KALRN: variants seen among roughly 807,000 people sequenced by gnomAD.
The protein encoded by KALRN is kalirin.
A neutral mutation model predicts 353.7 loss-of-function variants in KALRN; 70 were observed. That is an observed-to-expected ratio of 0.20 (90% CI 0.16 to 0.24). The LOEUF is 0.24. Among genes scored for constraint, KALRN ranks in the 10% least tolerant of loss-of-function variants. The pLI is 1.00. For synonymous variants in KALRN, 1,391 were observed against 1,434.8 expected (o/e 0.97, Z 0.69); for missense variants, 2,791 against 3,756.7 (o/e 0.74, Z 6.72).
At chr3:124,128,715 C>T (rs925466592) in intron 1 of KALRN, among the ~76,000 whole-genome samples, 2 of 152,096 alleles carry the variant, frequency 1.3e-5, no homozygotes, top group Admixed American at 1.3e-4. Flanking sequence ...AGAAGTGAGC[C>T]TTCTGTAGGG....
intron 34 of KALRN, among the ~76,000 whole-genome samples, chr3:124,623,779 A>C (rs1301126251): frequency 1.3e-5 from 2 of 152,168 alleles, no homozygotes; most frequent in Non-Finnish European, 2.9e-5. Context: ...AATCAGGTTG[A>C]TACTCAATAT....
chr3:124,414,950 G>A (rs1048200152), intron 14 of KALRN, among the ~76,000 whole-genome samples: 2 of 152,192 alleles, frequency 1.3e-5, no homozygotes, highest in African/African-American at 2.4e-5. Flanking sequence ...TGTTTCTTTC[G>A]ATGACCTGAA....
intron 1 of KALRN, among the ~76,000 whole-genome samples, chr3:124,104,457 A>G (rs1349992061): frequency 6.6e-6 from 1 of 152,236 alleles, no homozygotes; most frequent in East Asian, 1.9e-4. Flanking sequence ...CAGCAAATAC[A>G]GGGTGTGCTT....
In KALRN at chr3:124,650,931, G is replaced by A. The variant is rs781148073; in HGVS notation, c.5788G>A (p.Gly1930Ser). The A allele has an allele frequency of 3.7e-6, 6 of 1,614,130 alleles. No individual in the cohort carries two copies. The South Asian group carries it at 5.5e-5, about 15-fold the overall frequency. The change falls in exon 38 of 60, where the codon GGC becomes AGC. Residue 1930 changes from glycine (G) to serine (S), a missense_variant. Gly to Ser is a moderately conservative substitution (Grantham distance 56). This residue lies in a region of KALRN where 1,065 missense variants were observed against 1,156.4 expected (regional missense o/e 0.92). Coordinates refer to ENST00000682506, the MANE Select transcript of KALRN (RefSeq NM_001388419.1). ...AGAACAGAAAGCCAAGGCCCTGAGA[G>A]GCAGGATGTAAGTGGCTTCCCCAGT... The part of the protein sequence containing the change: ...EEEQKAKALR[G>S]RMFVLNELVQ...
At chr3:124,036,863 G>A (rs1229299777) in intron 1 of KALRN, among the ~76,000 whole-genome samples, 1 of 152,100 alleles carries the variant, frequency 6.6e-6, no homozygotes, top group Admixed American at 6.6e-5. Context: ...GATCATTTTG[G>A]TGTTTCAATC....
intron 47 of KALRN, among the ~76,000 whole-genome samples, chr3:124,669,013 T>G (rs968128137): frequency 6.6e-6 from 1 of 152,242 alleles, no homozygotes; most frequent in African/African-American, 2.4e-5. Flanking sequence ...TAATGGCTCC[T>G]GTGTATTGAA....
At chr3:124,382,646 G>C (rs1246825865) in intron 10 of KALRN, among the ~76,000 whole-genome samples, 1 of 152,124 alleles carries the variant, frequency 6.6e-6, no homozygotes, top group African/African-American at 2.4e-5. Flanking sequence ...AGCTCACTTT[G>C]ACTTTGCCAC....
At chr3:124,273,749 AAC>A (rs10540628) in intron 5 of KALRN, among the ~76,000 whole-genome samples, 65,010 of 152,018 alleles carry the variant, frequency 0.43, 13,978 homozygotes, top group Middle Eastern at 0.47. Flanking sequence ...AATCTGTGGA[AAC>A]ACAGAGTAAT....
chr3:124,694,189 G>C (rs933369930), intron 52 of KALRN, 143 bp from the exon 53 acceptor site: 2 of 738,318 alleles, frequency 2.7e-6, no homozygotes, highest in South Asian at 1.9e-5. Flanking sequence ...AAGAGACCCA[G>C]ATGACTCACC....
chr3:124,505,779 G>A (rs2065146493), intron 33 of KALRN, among the ~76,000 whole-genome samples: 1 of 152,204 alleles, frequency 6.6e-6, no homozygotes, highest in South Asian at 2.1e-4. Flanking sequence ...TTTACCGTAT[G>A]TGCTGTGGTA....
intron 33 of KALRN, among the ~76,000 whole-genome samples, chr3:124,558,507 G>T (rs2071551820): frequency 6.6e-6 from 1 of 152,204 alleles, no homozygotes; most frequent in Middle Eastern, 3.2e-3. Flanking sequence ...TGGAACTCCT[G>T]ACCTCAAGTG....
At chr3:124,585,587 C>CGAACA (rs1029114603) in intron 34 of KALRN, among the ~76,000 whole-genome samples, 1 of 151,742 alleles carries the variant, frequency 6.6e-6, no homozygotes, top group Non-Finnish European at 1.5e-5. Flanking sequence ...AAGCAGCCGG[C>CGAACA]GAACAGGAGG....
intron 45 of KALRN, among the ~76,000 whole-genome samples, chr3:124,663,809 A>C (rs1232324607): frequency 6.6e-6 from 1 of 152,162 alleles, no homozygotes; most frequent in Non-Finnish European, 1.5e-5. Context: ...TAGTTGACTC[A>C]TACTCATACC....
At position 124,266,513 on chromosome 3, in the gene KALRN, G is replaced by A. The variant is rs375750698; in HGVS notation, c.456+1823G>A. Among the ~76,000 whole-genome samples the A allele has an allele frequency of 6.6e-5, 10 of 152,272 alleles. No individual in the cohort carries two copies. In the East Asian group the frequency reaches 7.7e-4, roughly 12 times the overall value. ...ATCAGATTAAATCAATGATTTAAGC[G>A]TCTGTATTCCAGCCAAATATAAACT... is the stretch of plus-strand genomic sequence containing the variant. On this transcript the variant is annotated intron_variant, in intron 4 of 59. Coordinates refer to ENST00000682506, the MANE Select transcript of KALRN (RefSeq NM_001388419.1).
intron 1 of KALRN, among the ~76,000 whole-genome samples, chr3:124,094,321 A>ACAGTGAGG (rs545532064): frequency 1.1e-3 from 166 of 152,350 alleles, no homozygotes; most frequent in African/African-American, 3.7e-3. Context: ...AGTGGTCCCT[A>ACAGTGAGG]CAGTGAGGCA....
intron 57 of KALRN, among the ~76,000 whole-genome samples, chr3:124,711,710 G>A (rs1213941122): frequency 6.6e-6 from 1 of 152,164 alleles, no homozygotes; most frequent in Non-Finnish European, 1.5e-5. Context: ...ATTTCTAAGT[G>A]TTCTTGTCGA....
At chr3:124,663,053 C>G (rs1310230598) in intron 45 of KALRN, among the ~76,000 whole-genome samples, 1 of 152,088 alleles carries the variant, frequency 6.6e-6, no homozygotes. Flanking sequence ...TCAAGCGATT[C>G]TCCTGCCTCA....
intron 34 of KALRN, among the ~76,000 whole-genome samples, chr3:124,586,888 T>TG (rs1232291250): frequency 6.6e-6 from 1 of 152,122 alleles, no homozygotes; most frequent in Non-Finnish European, 1.5e-5. Context: ...GTGGCTAGGC[T>TG]GGGGGTCGTG....
Position 124,346,259 on chromosome 3 carries a change from T to G in KALRN, c.1648-884T>G, listed in dbSNP as rs149466242. ...GGGTATTAAAGGCTTTCATCCTCCCTGCACGTCAAGGCTTTTACTAAGGGA... is the reference window on the plus strand; with the variant it reads ...GGGTATTAAAGGCTTTCATCCTCCCGGCACGTCAAGGCTTTTACTAAGGGA... On this transcript the variant is annotated intron_variant, in intron 9 of 59. Coordinates refer to ENST00000682506, the MANE Select transcript of KALRN (RefSeq NM_001388419.1). Among the ~76,000 whole-genome samples, 31 of 152,324 alleles carry G rather than the reference T, an allele frequency of 2.0e-4. No individual in the cohort carries two copies. The East Asian group carries it at 6.0e-3, about 29-fold the overall frequency.
Sources: allele counts gnomAD v4.1 joint callset (sites outside exome capture counted in the v4.1 genomes callset), GRCh38; gene constraint gnomAD v4.1.1; regional missense constraint gnomAD v4.1.1; transcripts MANE v1.5; gene names NCBI Gene and HGNC (gene_info 2026-07-23, HGNC 2026-07-21).